The following FGGY variants were observed in gnomAD, a reference collection of about 807,000 sequenced individuals.
FGGY encodes FGGY carbohydrate kinase domain containing.
In FGGY, 72 loss-of-function variants were observed where a neutral mutation model predicts 71.3. The ratio of observed to expected loss-of-function variants is 1.01; its 90% CI spans 0.84 to 1.23. The LOEUF is 1.23. Among genes scored for constraint, FGGY ranks in the 50% most tolerant of loss-of-function variants. The probability of loss-of-function intolerance (pLI) is 0.00; values close to 1 mark genes in which losing one functional copy is unlikely to be tolerated. For synonymous variants in FGGY, 251 were observed against 250.3 expected, an observed-to-expected ratio of 1.00 and a Z score of -0.02; for missense variants, 668 against 682.3, an observed-to-expected ratio of 0.98 and a Z score of 0.23.
intron 10 of FGGY, among the ~76,000 whole-genome samples, chr1:59,633,982 G>A (rs1444024024): frequency 1.3e-5 from 2 of 152,130 alleles, no homozygotes; most frequent in Non-Finnish European, 2.9e-5. Flanking sequence ...AAATGAGGAA[G>A]GAGTGGTCAA....
chr1:59,692,866 C>T (rs933264000), intron 14 of FGGY, among the ~76,000 whole-genome samples: 1 of 152,146 alleles, frequency 6.6e-6, no homozygotes, highest in Non-Finnish European at 1.5e-5. Flanking sequence ...ACTAATCATG[C>T]TATGGTCATA....
intron 14 of FGGY, among the ~76,000 whole-genome samples, chr1:59,717,168 A>G (rs1312638629): frequency 2.6e-5 from 4 of 152,308 alleles, no homozygotes; most frequent in Non-Finnish European, 4.4e-5. Flanking sequence ...AATTAGAAAT[A>G]TTCTGCTTAC....
At chr1:59,482,934 C>T (rs1228705872) in intron 6 of FGGY, among the ~76,000 whole-genome samples, 1 of 152,076 alleles carries the variant, frequency 6.6e-6, no homozygotes, top group Non-Finnish European at 1.5e-5. Flanking sequence ...CAAACCAGAG[C>T]ATACGTCAGA....
intron 4 of FGGY, among the ~76,000 whole-genome samples, chr1:59,350,133 C>A (rs756064540): frequency 3.3e-5 from 5 of 152,104 alleles, no homozygotes; most frequent in African/African-American, 4.8e-5. Context: ...ATTCTGTGTT[C>A]TAAGTTCATC....
chr1:59,557,955 T>C (rs2095717363), intron 8 of FGGY, among the ~76,000 whole-genome samples: 1 of 152,204 alleles, frequency 6.6e-6, no homozygotes, highest in Non-Finnish European at 1.5e-5. Context: ...CGCTCAGAAC[T>C]GAAGTTTTTT....
chr1:59,620,070 A>G (rs1264127047), intron 9 of FGGY, among the ~76,000 whole-genome samples: 3 of 152,138 alleles, frequency 2.0e-5, no homozygotes, highest in South Asian at 4.1e-4. Flanking sequence ...AGGTGGATTC[A>G]ATGTTATGGA....
At chr1:59,739,855 A>G (rs371548403) in intron 14 of FGGY, among the ~76,000 whole-genome samples, 7 of 152,074 alleles carry the variant, frequency 4.6e-5, no homozygotes, top group African/African-American at 1.7e-4. Context: ...ACCACTCTAT[A>G]CTAATTGTTA....
At position 59,307,511 on chromosome 1, in the gene FGGY, CTA is replaced by C. The variant is rs529728920; in HGVS notation, c.-15+10363_-15+10364del. Among the ~76,000 whole-genome samples, 467 of 152,208 alleles carry C rather than the reference CTA, an allele frequency of 3.1e-3. 3 individuals are homozygous for C. The highest frequency in any genetic ancestry group is 0.011 in the African/African-American group (440 of 41,526). ...AATCCTTCTCTGTTATTCACTGACT[CTA>C]TGACCCTGACAGGTGACCTAACTGC... On this transcript the variant is annotated intron_variant, in intron 1 of 15. Transcript: ENST00000303721.
chr1:59,705,046 A>T (rs1412055096), intron 14 of FGGY, among the ~76,000 whole-genome samples: 1 of 152,048 alleles, frequency 6.6e-6, no homozygotes, highest in African/African-American at 2.4e-5. Context: ...CTTTATACCC[A>T]TCAAGTACTT....
intron 6 of FGGY, among the ~76,000 whole-genome samples, chr1:59,480,501 A>G (rs1245918408): frequency 6.6e-6 from 1 of 152,232 alleles, no homozygotes; most frequent in Non-Finnish European, 1.5e-5. Context: ...GTCAATGGCC[A>G]GAACCGTATT....
chr1:59,371,063 C>G (rs993291749), intron 4 of FGGY, among the ~76,000 whole-genome samples: 2 of 151,844 alleles, frequency 1.3e-5, no homozygotes, highest in South Asian at 2.1e-4. Context: ...ACAATATTAA[C>G]TTTAAATGTA....
chr1:59,329,618 T>A (rs2048077474), intron 2 of FGGY, among the ~76,000 whole-genome samples: 2 of 152,180 alleles, frequency 1.3e-5, no homozygotes, highest in South Asian at 4.1e-4. Context: ...CAGCCACACC[T>A]TCCTTCTGTC....
intron 4 of FGGY, among the ~76,000 whole-genome samples, chr1:59,371,497 A>G: frequency 6.6e-6 from 1 of 152,186 alleles, no homozygotes; most frequent in Non-Finnish European, 1.5e-5. Context: ...AGACAGATCA[A>G]CGAGACAGAA....
At chr1:59,416,433 T>C (rs2064439849) in intron 5 of FGGY, among the ~76,000 whole-genome samples, 1 of 152,152 alleles carries the variant, frequency 6.6e-6, no homozygotes, top group South Asian at 2.1e-4. Flanking sequence ...ATGACAATAA[T>C]CATACCTAAC....
At chr1:59,642,289 G>T (rs1189292134) in intron 11 of FGGY, among the ~76,000 whole-genome samples, 1 of 152,218 alleles carries the variant, frequency 6.6e-6, no homozygotes, top group Non-Finnish European at 1.5e-5. Flanking sequence ...GCATTTAGCT[G>T]TAGATCTGAA....
chr1:59,337,052 T>TC (rs2049728423), intron 2 of FGGY, among the ~76,000 whole-genome samples: 3 of 147,588 alleles, frequency 2.0e-5, no homozygotes, highest in Non-Finnish European at 4.5e-5. Context: ...TATAGTCATA[T>TC]ATATATATAT....
chr1:59,298,490 A>G (rs774169784), intron 1 of FGGY, among the ~76,000 whole-genome samples: 1 of 152,222 alleles, frequency 6.6e-6, no homozygotes, highest in Admixed American at 6.5e-5. Flanking sequence ...GATAAAATTA[A>G]TAAGTTTACT....
intron 14 of FGGY, among the ~76,000 whole-genome samples, chr1:59,708,197 A>G (rs1031788133): frequency 2.0e-5 from 3 of 152,194 alleles, no homozygotes; most frequent in Admixed American, 2.0e-4. Context: ...AGAAATGGGA[A>G]GGAGGTTATG....
At chr1:59,379,304 TTCTACTACA>T (rs768141987) in intron 5 of FGGY, among the ~76,000 whole-genome samples, 1 of 152,258 alleles carries the variant, frequency 6.6e-6, no homozygotes, top group South Asian at 2.1e-4. Context: ...AGATAGTGTA[TTCTACTACA>T]TACCTAGGCT....
Sources: gnomAD v4.1 joint callset for allele counts (sites outside exome capture counted in the v4.1 genomes callset) on GRCh38, gnomAD v4.1.1 for gene constraint, MANE v1.5 for transcripts, NCBI Gene and HGNC (gene_info 2026-07-23, HGNC 2026-07-21) for gene names.